ZNF600: variants seen among roughly 807,000 people sequenced by gnomAD.
The protein encoded by ZNF600 is zinc finger protein 600.
ZNF600 carries 4 observed loss-of-function variants against 7.3 expected under a neutral mutation model. That is an observed-to-expected ratio of 0.55 (90% confidence interval 0.27 to 1.25). The LOEUF (loss-of-function observed/expected upper bound fraction) is 1.25. ZNF600 is among the 50% of genes most tolerant of loss of function. The probability of loss-of-function intolerance (pLI) is 0.12; values close to 1 mark genes in which losing one functional copy is unlikely to be tolerated. For missense variants in ZNF600, 911 were observed against 922.1 expected, an observed-to-expected ratio of 0.99 and a Z score of 0.16; for synonymous variants, 290 against 308.9, an observed-to-expected ratio of 0.94 and a Z score of 0.64.
At position 52,775,505 on chromosome 19, in the gene ZNF600, G is replaced by A. The variant is rs1417832516; in HGVS notation, c.64-804C>T. On this transcript the variant is annotated intron_variant, in intron 2 of 3. Transcript: ENST00000648973. ...GTGGAGGTTACAGTGAGCCAAGATC[G>A]CACCACTGCACTTTAGCCTGGCAAC... is the stretch of plus-strand genomic sequence containing the variant. Among the ~76,000 whole-genome samples, 3 of 151,966 alleles carry A rather than the reference G, an allele frequency of 2.0e-5. No homozygotes were observed. In the East Asian group the frequency reaches 5.8e-4, roughly 29 times the overall value.
intron 2 of ZNF600, 61 bp downstream of exon 4, chr19:52,778,765 C>T (rs139883866): frequency 5.7e-4 from 891 of 1,556,692 alleles, no homozygotes; most frequent in Non-Finnish European, 7.3e-4. Context: ...CTGGCTGCTA[C>T]AATACCTGGC....
At chr19:52,809,546 G>A in the ZNF600 span, among the ~76,000 whole-genome samples, 2 of 152,154 alleles carry the variant, frequency 1.3e-5, no homozygotes, top group Non-Finnish European at 2.9e-5. Flanking sequence ...GGTGGCTCAC[G>A]CCTGTAATCC....
the ZNF600 span, among the ~76,000 whole-genome samples, chr19:52,822,498 G>A: frequency 1.3e-5 from 2 of 152,192 alleles, no homozygotes; most frequent in South Asian, 4.1e-4. Context: ...TTCTATTAAT[G>A]AATAAGCCTT....
chr19:52,778,856 T>C, exon 2 of ZNF600: 1 of 1,607,574 alleles, frequency 6.2e-7, no homozygotes, highest in Non-Finnish European at 8.5e-7. Context: ...GCTCCTTTCC[T>C]TTCCTCTTCT....
At chr19:52,814,487 A>T in the ZNF600 span, 2 of 146,060 alleles carry the variant, frequency 1.4e-5, no homozygotes, top group Non-Finnish European at 1.5e-5. Context: ...CCAGCTACTT[A>T]GGAGGCTAAA....
chr19:52,797,486 A>C, the ZNF600 span: 3 of 152,262 alleles, frequency 2.0e-5, no homozygotes, highest in African/African-American at 7.2e-5. Context: ...CCAAAATACA[A>C]CTGGAACTAA....
chr19:52,806,970 T>G, the ZNF600 span, among the ~76,000 whole-genome samples: 3,857 of 152,228 alleles, frequency 0.025, 62 homozygotes, highest in East Asian at 0.061. Flanking sequence ...AAAGATATCT[T>G]TTCAGAGATG....
At chr19:52,797,525 G>A in the ZNF600 span, 2 of 152,106 alleles carry the variant, frequency 1.3e-5, no homozygotes, top group African/African-American at 4.8e-5. Context: ...TTGCAGAATA[G>A]AATAATAGCA....
upstream of ZNF600, among the ~76,000 whole-genome samples, chr19:52,790,015 G>C (rs1311113159): frequency 6.6e-6 from 1 of 152,176 alleles, no homozygotes; most frequent in East Asian, 1.9e-4. Context: ...GCCAGGATGA[G>C]CCAGGAGAAG....
At chr19:52,800,193 T>C in the ZNF600 span, 1 of 1,613,646 alleles carries the variant, frequency 6.2e-7, no homozygotes, top group Non-Finnish European at 8.5e-7. Context: ...TTCACATTTG[T>C]ACGGTTTCTC....
chr19:52,786,713 AG>A, exon 1 of ZNF600: 1 of 355,798 alleles, frequency 2.8e-6, no homozygotes, highest in Admixed American at 2.7e-5. Flanking sequence ...ACTTAATCCA[AG>A]GCAGAGCAAA....
At chr19:52,809,945 G>A in the ZNF600 span, 6 of 830,684 alleles carry the variant, frequency 7.2e-6, no homozygotes, top group African/African-American at 1.7e-5. Flanking sequence ...AGGTTGCCCC[G>A]GGGGGCGCAG....
At chr19:52,773,685 A>G (rs2062649141) in intron 3 of ZNF600, among the ~76,000 whole-genome samples, 2 of 152,092 alleles carry the variant, frequency 1.3e-5, no homozygotes, top group Admixed American at 6.6e-5. Context: ...CCAGGCCAGC[A>G]TGGTGAAACA....
At chr19:52,797,887 T>C in the ZNF600 span, 3 of 151,226 alleles carry the variant, frequency 2.0e-5, no homozygotes, top group Non-Finnish European at 4.4e-5. Context: ...CTTCGGGAGG[T>C]AGAGGTGGGT....
chr19:52,830,316 T>A, the ZNF600 span, among the ~76,000 whole-genome samples: 2 of 151,932 alleles, frequency 1.3e-5, no homozygotes, highest in Non-Finnish European at 2.9e-5. Flanking sequence ...TTAACATTAT[T>A]TCTCAAATAA....
the ZNF600 span, among the ~76,000 whole-genome samples, chr19:52,819,829 A>G: frequency 7.0e-6 from 1 of 143,396 alleles, no homozygotes; most frequent in African/African-American, 2.8e-5. Flanking sequence ...AGAAAATCAC[A>G]CTAACATTTA....
At chr19:52,779,370 G>A (rs2062702310) in intron 1 of ZNF600, among the ~76,000 whole-genome samples, 1 of 152,218 alleles carries the variant, frequency 6.6e-6, no homozygotes, top group South Asian at 2.1e-4. Flanking sequence ...TGCTAAAGCA[G>A]CACAAAAGCT....
chr19:52,789,249 G>C (rs1438036739), upstream of ZNF600, among the ~76,000 whole-genome samples: 3 of 152,190 alleles, frequency 2.0e-5, no homozygotes, highest in South Asian at 4.1e-4. Flanking sequence ...GGAGCAACCT[G>C]AGTCCCAGAA....
exon 4 of ZNF600, chr19:52,767,629 C>A: frequency 6.2e-7 from 1 of 1,614,010 alleles, no homozygotes; most frequent in Non-Finnish European, 8.5e-7. Flanking sequence ...AACTCAATAT[C>A]ATGAATTTCT....
Sources: allele counts gnomAD v4.1 joint callset (sites outside exome capture counted in the v4.1 genomes callset), GRCh38; gene constraint gnomAD v4.1.1; transcripts MANE v1.5; gene names NCBI Gene and HGNC (gene_info 2026-07-23, HGNC 2026-07-21).